The following RTTN variants were observed in gnomAD, a reference collection of about 807,000 sequenced individuals.
The protein encoded by RTTN is rotatin.
A neutral mutation model predicts 269.2 loss-of-function variants in RTTN; 182 were observed. The ratio of observed to expected loss-of-function variants is 0.68; its 90% CI spans 0.60 to 0.76. The LOEUF is 0.76. Ranked by LOEUF, RTTN falls within the 30% of genes least tolerant of loss-of-function variation. RTTN has a pLI of 0.00. For missense variants in RTTN, 2,545 were observed against 2,608.6 expected, an observed-to-expected ratio of 0.98 and a Z score of 0.53; for synonymous variants, 1,006 against 963.5, an observed-to-expected ratio of 1.04 and a Z score of -0.82.
intron 46 of RTTN, among the ~76,000 whole-genome samples, chr18:70,014,029 T>A (rs2145483213): frequency 6.6e-6 from 1 of 152,362 alleles, no homozygotes; most frequent in African/African-American, 2.4e-5. Context: ...GTCAGACATG[T>A]ATATTAAGTT....
chr18:70,109,481 A>C lies in RTTN; in HGVS notation c.3903+17T>G. On this transcript the variant is annotated intron_variant, in intron 28 of 48. Coordinates refer to ENST00000640769, the MANE Select transcript of RTTN (RefSeq NM_173630.4). ...GCAACTAATAGTAAATAACTACCAT[A>C]TGCTATTTTTACTTACCTCAAGGAG... The C allele has an allele frequency of 1.3e-6, 2 of 1,590,600 alleles. No individual in the cohort carries two copies. Among genetic ancestry groups the C allele is most frequent in the Non-Finnish European group, 1.7e-6 (2 of 1,158,512 alleles).
chr18:70,052,989 G>A (rs2057717278), intron 38 of RTTN, among the ~76,000 whole-genome samples: 1 of 152,088 alleles, frequency 6.6e-6, no homozygotes, highest in Non-Finnish European at 1.5e-5. Context: ...AGAAAAGCAA[G>A]AGGATCAATA....
At chr18:70,008,062 C>G (rs2056250999) in intron 46 of RTTN, 1 of 155,934 alleles carries the variant, frequency 6.4e-6, no homozygotes, top group African/African-American at 2.4e-5. Flanking sequence ...GAGGAAGGAG[C>G]AGGCAGCAAT....
chr18:70,063,102 TAAATA>T (rs2058036840), intron 35 of RTTN, among the ~76,000 whole-genome samples: 1 of 152,146 alleles, frequency 6.6e-6, no homozygotes, highest in Non-Finnish European at 1.5e-5. Context: ...TTGCTGGAGA[TAAATA>T]AAAGAGAATT....
At chr18:70,195,731 A>T (rs2061789587) in intron 7 of RTTN, among the ~76,000 whole-genome samples, 1 of 152,260 alleles carries the variant, frequency 6.6e-6, no homozygotes, top group Non-Finnish European at 1.5e-5. Context: ...CAGAGATATC[A>T]ACTTTTTAAA....
intron 21 of RTTN, among the ~76,000 whole-genome samples, chr18:70,135,630 A>C (rs896494079): frequency 2.0e-5 from 3 of 152,210 alleles, no homozygotes; most frequent in African/African-American, 7.2e-5. Flanking sequence ...TACAGCCTCT[A>C]AGAAGGTTAT....
At chr18:70,057,010 T>A (rs188224419) in intron 37 of RTTN, among the ~76,000 whole-genome samples, 13 of 152,342 alleles carry the variant, frequency 8.5e-5, no homozygotes, top group Admixed American at 8.5e-4. Context: ...GCAATAGGCA[T>A]GCTCAGGTGA....
chr18:70,165,277 A>C (rs192795119), intron 14 of RTTN, among the ~76,000 whole-genome samples: 1 of 151,528 alleles, frequency 6.6e-6, no homozygotes, highest in African/African-American at 2.4e-5. Flanking sequence ...GCTATATATA[A>C]AATTCTTTAA....
At chr18:70,175,429 G>A (rs984784010) in intron 11 of RTTN, among the ~76,000 whole-genome samples, 6 of 151,814 alleles carry the variant, frequency 4.0e-5, no homozygotes, top group East Asian at 1.9e-4. Context: ...CATATATTAC[G>A]TAACTCAAAC....
intron 34 of RTTN, among the ~76,000 whole-genome samples, chr18:70,068,010 G>A (rs945336801): frequency 1.3e-5 from 2 of 152,134 alleles, no homozygotes; most frequent in African/African-American, 4.8e-5. Flanking sequence ...GCTTTATATG[G>A]TGCTTTAAAA....
intron 3 of RTTN, 84 bp from the exon 4 acceptor site, chr18:70,202,067 C>T (rs1463622349): frequency 4.1e-6 from 3 of 728,006 alleles, no homozygotes; most frequent in Non-Finnish European, 6.7e-6. Flanking sequence ...GTAATGTTTT[C>T]TCTTAAGTAT....
chr18:70,197,846 G>T, intron 5 of RTTN, 108 bp from the exon 6 acceptor site: 1 of 687,926 alleles, frequency 1.5e-6, no homozygotes, highest in Admixed American at 2.7e-5. Flanking sequence ...TCTCAGCTGA[G>T]ATATCACTTC....
intron 28 of RTTN, among the ~76,000 whole-genome samples, chr18:70,103,831 C>A (rs1436112253): frequency 1.3e-5 from 2 of 150,666 alleles, no homozygotes; most frequent in Non-Finnish European, 2.9e-5. Flanking sequence ...TCTCTTCTGG[C>A]TTATAGAGTT....
At chr18:70,032,676 A>T (rs7229821) in intron 40 of RTTN, among the ~76,000 whole-genome samples, 2,529 of 152,332 alleles carry the variant, frequency 0.017, 73 homozygotes, top group African/African-American at 0.057. Context: ...CAGATTCATA[A>T]AGCAAGTTCT....
At chr18:70,028,533 C>T (rs2056917973) in intron 43 of RTTN, among the ~76,000 whole-genome samples, 191 bp downstream of exon 43, 1 of 152,088 alleles carries the variant, frequency 6.6e-6, no homozygotes, top group African/African-American at 2.4e-5. Context: ...GAAATGTAAT[C>T]AGTGTCGATG....
intron 35 of RTTN, among the ~76,000 whole-genome samples, chr18:70,062,909 T>C (rs1004322876): frequency 6.6e-6 from 1 of 152,216 alleles, no homozygotes; most frequent in African/African-American, 2.4e-5. Context: ...GCTGTAGTTC[T>C]CCATTGTTAT....
intron 12 of RTTN, among the ~76,000 whole-genome samples, chr18:70,168,136 A>C (rs566368546): frequency 1.3e-5 from 2 of 152,244 alleles, no homozygotes; most frequent in South Asian, 4.1e-4. Context: ...AATTCAAAGA[A>C]AATAAATAGG....
chr18:70,204,415 A>C (rs2062026918), intron 2 of RTTN, 152 bp from the exon 3 acceptor site: 1 of 658,372 alleles, frequency 1.5e-6, no homozygotes, highest in Non-Finnish European at 2.6e-6. Context: ...AGGCACTTCC[A>C]TGAGGAGCAC....
intron 28 of RTTN, among the ~76,000 whole-genome samples, chr18:70,104,489 TCTCAA>T (rs2145390596): frequency 6.6e-6 from 1 of 152,362 alleles, no homozygotes; most frequent in African/African-American, 2.4e-5. Context: ...AGCCTTCTTC[TCTCAA>T]CTCGTCAAAG....
Sources: allele counts gnomAD v4.1 joint callset (sites outside exome capture counted in the v4.1 genomes callset), GRCh38; gene constraint gnomAD v4.1.1; transcripts MANE v1.5; gene names NCBI Gene and HGNC (gene_info 2026-07-23, HGNC 2026-07-21).